The following LPP variants were observed in gnomAD, a reference collection of about 807,000 sequenced individuals.
The protein encoded by LPP is LIM domain containing preferred translocation partner in lipoma.
A neutral mutation model predicts 60.4 loss-of-function variants in LPP; 38 were observed. The observed-to-expected ratio is 0.63, with a 90% confidence interval of 0.49 to 0.83. The LOEUF (loss-of-function observed/expected upper bound fraction) is 0.83. Ranked by LOEUF, LPP falls within the 40% of genes least tolerant of loss-of-function variation. The pLI is 0.00. For missense variants in LPP, 902 were observed against 783.6 expected (o/e 1.15, Z -1.80); for synonymous variants, 328 against 290.8 (o/e 1.13, Z -1.30).
intron 4 of LPP, among the ~76,000 whole-genome samples, chr3:188,484,082 C>A (rs541308140): frequency 1.3e-5 from 2 of 152,266 alleles, no homozygotes; most frequent in South Asian, 4.1e-4. Flanking sequence ...CTACATTCTC[C>A]TGTCTCTCTA....
intron 8 of LPP, among the ~76,000 whole-genome samples, chr3:188,730,579 C>T (rs1487455716): frequency 2.0e-5 from 3 of 152,132 alleles, no homozygotes; most frequent in Non-Finnish European, 4.4e-5. Context: ...TACATTAAGC[C>T]CTTTCTTCCC....
At chr3:188,213,973 C>CACACACACACACACAT (rs1712404132) in intron 1 of LPP, among the ~76,000 whole-genome samples, 1 of 150,806 alleles carries the variant, frequency 6.6e-6, no homozygotes, top group Admixed American at 6.6e-5. Context: ...CACACACACA[C>CACACACACACACACAT]ACACACACAC....
intron 2 of LPP, among the ~76,000 whole-genome samples, chr3:188,279,363 T>A (rs1399938633): frequency 6.6e-6 from 1 of 152,156 alleles, no homozygotes; most frequent in Non-Finnish European, 1.5e-5. Context: ...GACCCCCCAT[T>A]GTATTAAATA....
intron 1 of LPP, among the ~76,000 whole-genome samples, chr3:188,175,080 A>T (rs1560082961): frequency 1.3e-5 from 2 of 152,006 alleles, no homozygotes; most frequent in African/African-American, 4.8e-5. Context: ...TTTAGAGTAG[A>T]ATTTTATTTT....
chr3:188,749,864 G>A (rs571932376), intron 8 of LPP, among the ~76,000 whole-genome samples: 3 of 151,670 alleles, frequency 2.0e-5, no homozygotes, highest in South Asian at 2.1e-4. Context: ...TTCTAAATTC[G>A]TATCTCCCAT....
intron 5 of LPP, among the ~76,000 whole-genome samples, chr3:188,487,075 C>G (rs759741756): frequency 6.6e-6 from 1 of 152,132 alleles, no homozygotes; most frequent in African/African-American, 2.4e-5. Flanking sequence ...CTTTAGTTCT[C>G]ACAATGTTAT....
intron 9 of LPP, among the ~76,000 whole-genome samples, chr3:188,818,574 C>G (rs1441869935): frequency 6.6e-6 from 1 of 152,134 alleles, no homozygotes; most frequent in Admixed American, 6.5e-5. Flanking sequence ...AATCACTCTC[C>G]TGTTAATCTT....
At chr3:188,867,108 C>T (rs1458610279) in intron 10 of LPP, among the ~76,000 whole-genome samples, 1 of 151,918 alleles carries the variant, frequency 6.6e-6, no homozygotes, top group Non-Finnish European at 1.5e-5. Flanking sequence ...AATCTGTCCC[C>T]ACTACTTCAT....
At chr3:188,421,376 T>C (rs1000781044) in intron 4 of LPP, among the ~76,000 whole-genome samples, 6 of 152,150 alleles carry the variant, frequency 3.9e-5, no homozygotes, top group African/African-American at 1.4e-4. Flanking sequence ...CATCTTTTTA[T>C]AGCTAAAATT....
intron 3 of LPP, among the ~76,000 whole-genome samples, chr3:188,376,869 C>T (rs1775275037): frequency 3.3e-5 from 5 of 152,110 alleles, no homozygotes; most frequent in Non-Finnish European, 5.9e-5. Context: ...AGGTTTAGTG[C>T]TTTCTTCAGG....
At chr3:188,762,325 T>TAA (rs1732641692) in intron 9 of LPP, among the ~76,000 whole-genome samples, 1 of 152,158 alleles carries the variant, frequency 6.6e-6, no homozygotes. Context: ...ACAATCCTAG[T>TAA]AAAGCACACT....
chr3:188,421,322 G>A (rs1324619764), intron 4 of LPP, among the ~76,000 whole-genome samples: 1 of 151,994 alleles, frequency 6.6e-6, no homozygotes, highest in Non-Finnish European at 1.5e-5. Flanking sequence ...AATAGCTTGG[G>A]TAGAAAGAAA....
intron 2 of LPP, among the ~76,000 whole-genome samples, chr3:188,278,549 A>T (rs1740816365): frequency 6.6e-6 from 1 of 151,658 alleles, no homozygotes; most frequent in Non-Finnish European, 1.5e-5. Context: ...ATTGTTTTTC[A>T]TGGTTTACTT....
At chr3:188,683,993 A>G (rs1394119974) in intron 7 of LPP, among the ~76,000 whole-genome samples, 3 of 152,216 alleles carry the variant, frequency 2.0e-5, no homozygotes, top group African/African-American at 7.2e-5. Flanking sequence ...ATCTCAGGCT[A>G]TATCTTTACA....
intron 1 of LPP, among the ~76,000 whole-genome samples, chr3:188,158,185 G>A (rs753859743): frequency 1.3e-5 from 2 of 152,066 alleles, no homozygotes; most frequent in African/African-American, 4.8e-5. Context: ...CCTGGGCCGC[G>A]ATTAGAGGAT....
At chr3:188,270,302 G>GACACAC (rs148947640) in intron 2 of LPP, among the ~76,000 whole-genome samples, 14 of 150,340 alleles carry the variant, frequency 9.3e-5, no homozygotes, top group African/African-American at 3.4e-4. Flanking sequence ...TGTGTGTGTG[G>GACACAC]ACACACACAC....
At chr3:188,153,760 T>C (rs1715167108), upstream of LPP, 1 of 151,772 alleles carries the variant, frequency 6.6e-6, no homozygotes, top group African/African-American at 2.4e-5. Context: ...CGCCTTCCCA[T>C]ACCTTACATG....
chr3:188,568,390 C>T (rs1832703055), intron 6 of LPP: 1 of 151,904 alleles, frequency 6.6e-6, no homozygotes, highest in Non-Finnish European at 1.5e-5. Flanking sequence ...AATCCACTGA[C>T]TCTGGTTTTA....
chr3:188,240,631 T>G (rs967493815), intron 2 of LPP, among the ~76,000 whole-genome samples: 1 of 152,230 alleles, frequency 6.6e-6, no homozygotes. Flanking sequence ...GGTAGAAACT[T>G]TCATATAAAA....
Sources: gnomAD v4.1 joint callset for allele counts (sites outside exome capture counted in the v4.1 genomes callset) on GRCh38, gnomAD v4.1.1 for gene constraint, MANE v1.5 for transcripts, NCBI Gene and HGNC (gene_info 2026-07-23, HGNC 2026-07-21) for gene names.